The following MX2 variants were observed in gnomAD, a reference collection of about 807,000 sequenced individuals.
MX2 encodes the protein MX dynamin like GTPase 2.
In MX2, 51 loss-of-function variants were observed where a neutral mutation model predicts 74.0. The ratio of observed to expected loss-of-function variants is 0.69; its 90% CI spans 0.55 to 0.87. The LOEUF (loss-of-function observed/expected upper bound fraction) is 0.87, where lower values mean the gene tolerates loss of function less well. Ranked by LOEUF, MX2 falls within the 40% of genes least tolerant of loss-of-function variation. The pLI is 0.00. For missense variants in MX2, 832 were observed against 908.7 expected (o/e 0.92, Z 1.09); for synonymous variants, 369 against 339.3 (o/e 1.09, Z -0.96).
chr21:41,397,640 G>C lies in MX2; in HGVS notation c.1098G>C (p.Thr366=), dbSNP rs770694990. 2 of 1,613,902 alleles carry C rather than the reference G, an allele frequency of 1.2e-6. No homozygotes were observed. Among genetic ancestry groups the C allele is most frequent in the African/African-American group, 2.7e-5 (2 of 74,922 alleles). The change falls in exon 8 of 14, where the codon ACG becomes ACC. Residue 366 remains threonine, a synonymous_variant. Coordinates refer to ENST00000330714, the MANE Select transcript of MX2 (RefSeq NM_002463.2). ...FRVLLEEGSA[T]VPRLAERLTT... ...TTCTCCTGGAGGAGGGGTCAGCCAC[G>C]GTTCCCCGACTGGCAGAAAGACTTA...
chr21:41,404,909 GAGAA>G (rs747545956), intron 12 of MX2: 6 of 135,916 alleles, frequency 4.4e-5, no homozygotes, highest in East Asian at 2.1e-4. Context: ...AAAAAAAAAA[GAGAA>G]AGAACAAACA....
intron 5 of MX2, among the ~76,000 whole-genome samples, chr21:41,387,846 G>A (rs961877941): frequency 6.6e-6 from 1 of 152,106 alleles, no homozygotes; most frequent in African/African-American, 2.4e-5. Context: ...CCCAGTATCT[G>A]CTGGCCCCAT....
At chr21:41,362,708 C>T (rs969400945) in intron 1 of MX2, among the ~76,000 whole-genome samples, 4 of 144,806 alleles carry the variant, frequency 2.8e-5, no homozygotes, top group Admixed American at 1.4e-4. Context: ...TGATATAGAG[C>T]GGAAAGGAGA....
At chr21:41,382,688 G>T (rs529539571) in intron 5 of MX2, 124 bp downstream of exon 5, 10 of 1,300,670 alleles carry the variant, frequency 7.7e-6, no homozygotes, top group Non-Finnish European at 9.5e-6. Flanking sequence ...TCTCAGGTAA[G>T]ACCTGCCCAG....
chr21:41,378,285 G>GCTGGGAGAGACAGATCA, intron 3 of MX2, among the ~76,000 whole-genome samples: 1 of 129,940 alleles, frequency 7.7e-6, no homozygotes, highest in Non-Finnish European at 1.6e-5. Flanking sequence ...GAGACAGGCT[G>GCTGGGAGAGACAGATCA]CTGGGAGAGA....
chr21:41,401,909 T>C, intron 10 of MX2, 61 bp from the exon 11 acceptor site: 1 of 1,555,928 alleles, frequency 6.4e-7, no homozygotes, highest in Non-Finnish European at 8.7e-7. Flanking sequence ...AAACTGTTGC[T>C]AGCTTTACGA....
At chr21:41,393,186 A>C (rs188953539) in intron 6 of MX2, among the ~76,000 whole-genome samples, 84 of 152,102 alleles carry the variant, frequency 5.5e-4, no homozygotes, top group Admixed American at 9.8e-4. Flanking sequence ...ATACTTCCAA[A>C]GGATGAGAAT....
chr21:41,378,578 A>T (rs1276172870), intron 3 of MX2, among the ~76,000 whole-genome samples: 1 of 152,250 alleles, frequency 6.6e-6, no homozygotes, highest in African/African-American at 2.4e-5. Context: ...ATTTAGGATC[A>T]TGATATGAGA....
chr21:41,399,132 C>T, intron 9 of MX2, 64 bp from the exon 10 acceptor site: 1 of 1,598,058 alleles, frequency 6.3e-7, no homozygotes, highest in Non-Finnish European at 8.5e-7. Context: ...CATCTCCTTG[C>T]AACGCCGGTC....
At chr21:41,390,314 A>T in intron 5 of MX2, 1 of 455,790 alleles carries the variant, frequency 2.2e-6, no homozygotes, top group Non-Finnish European at 4.1e-6. Context: ...ACTTGGTTGC[A>T]GGAATCAGGG....
At position 41,390,730 on chromosome 21, in the gene MX2, G is replaced by A. The variant is rs751230106; in HGVS notation, c.871+27G>A. The stretch of plus-strand genomic sequence containing the variant: ...TAAGAGGAAAGAACCAAGTGGCCGG[G>A]TGCGGTGGCTCAAGCCTGTAATCCC... On this transcript the variant is annotated intron_variant, in intron 6 of 13. Coordinates refer to ENST00000330714, the MANE Select transcript of MX2 (RefSeq NM_002463.2). 7 of 1,611,334 alleles carry A rather than the reference G, an allele frequency of 4.3e-6. No individual in the cohort carries two copies. The South Asian group carries it at 4.4e-5, about 10-fold the overall frequency.
Position 41,406,761 on chromosome 21 carries a change from A to G in MX2, c.1668A>G (p.Ile556Met). Reference protein sequence around the residue: ...NQTVQSTIEDIKVKHTAKAEN... With the variant: ...NQTVQSTIEDMKVKHTAKAEN... ...CTAACCAGAGCACGATTGAAGACAT[A>G]AAAGTGAAACACACAGCAAAGGCAG... is the stretch of plus-strand genomic sequence containing the variant. The change falls in exon 13 of 14, where the codon ATA becomes ATG. Residue 556 changes from isoleucine (I) to methionine (M), a missense_variant. By Grantham distance (10) the Ile-to-Met change is conservative. Transcript: ENST00000330714. The G allele has an allele frequency of 1.2e-6, 2 of 1,614,162 alleles. No individual in the cohort carries two copies. The highest frequency in any genetic ancestry group is 1.6e-4 in the Middle Eastern group (1 of 6,062).
intron 5 of MX2, 141 bp downstream of exon 5, chr21:41,382,705 G>A (rs1016266693): frequency 3.2e-5 from 36 of 1,122,828 alleles, no homozygotes; most frequent in Non-Finnish European, 4.3e-5. Flanking sequence ...CCAGGTGGGG[G>A]CCTCATGCCC....
chr21:41,406,940 A>G lies in MX2; in HGVS notation c.1847A>G (p.Asn616Ser), dbSNP rs777289479. ...NMKLNSHFPS[N>S]ESSVSSFTEI... is the part of the protein sequence containing the mutation. ...AAGTTGAACTCTCATTTTCCCAGTA[A>G]TGAGTCTTCGGTTTCCTCCTTTACT... Residue 616 changes from asparagine to serine, a missense_variant, in exon 13 of 14, where the codon AAT (asparagine) becomes AGT (serine). By Grantham distance (46) the Asn-to-Ser change is conservative. Coordinates refer to ENST00000330714, the MANE Select transcript of MX2 (RefSeq NM_002463.2). 9.9e-6 allele frequency: 16 copies of G among 1,614,116 alleles called. No individual in the cohort carries two copies. In the South Asian group the frequency reaches 1.8e-4, roughly 18 times the overall value.
At chr21:41,365,327 C>T (rs925297078) in intron 1 of MX2, 7 of 152,188 alleles carry the variant, frequency 4.6e-5, no homozygotes, top group East Asian at 1.9e-4. Context: ...TTTCATCACT[C>T]GGGTAATAAG....
At chr21:41,367,230 T>C (rs2089273463) in intron 1 of MX2, 1 of 152,214 alleles carries the variant, frequency 6.6e-6, no homozygotes, top group African/African-American at 2.4e-5. Flanking sequence ...TGACTGCATA[T>C]TAAGGAGACT....
At chr21:41,407,936 C>T in intron 13 of MX2, 55 bp from the exon 14 acceptor site, 1 of 1,603,008 alleles carries the variant, frequency 6.2e-7, no homozygotes, top group Non-Finnish European at 8.5e-7. Flanking sequence ...CTCTCTGCAA[C>T]CACAGGCCTT....
intron 7 of MX2, among the ~76,000 whole-genome samples, chr21:41,396,048 C>T (rs1161141251): frequency 6.6e-6 from 1 of 152,214 alleles, no homozygotes; most frequent in East Asian, 1.9e-4. Context: ...GTTTTCACTT[C>T]CTTTCTGATT....
chr21:41,399,164 C>G, intron 9 of MX2, 32 bp from the exon 10 acceptor site: 1 of 1,609,046 alleles, frequency 6.2e-7, no homozygotes, highest in Non-Finnish European at 8.5e-7. Flanking sequence ...ATATGATTTC[C>G]GCAAAGACTA....
Sources: gnomAD v4.1 joint callset for allele counts (sites outside exome capture counted in the v4.1 genomes callset) on GRCh38, gnomAD v4.1.1 for gene constraint, MANE v1.5 for transcripts, NCBI Gene and HGNC (gene_info 2026-07-23, HGNC 2026-07-21) for gene names.